Variants in NUP37 observed in about 807,000 individuals in gnomAD.
NUP37 encodes nucleoporin 37.
Under a neutral mutation model 45.4 loss-of-function variants are expected in NUP37, and 33 were observed. The ratio of observed to expected loss-of-function variants is 0.73; its 90% CI spans 0.55 to 0.97. The LOEUF is 0.97. NUP37 is among the 50% of genes least tolerant of loss of function. The pLI is 0.00. For missense variants in NUP37, 365 were observed against 389.7 expected (o/e 0.94, Z 0.53); for synonymous variants, 127 against 130.7 (o/e 0.97, Z 0.19).
At chr12:102,117,280 C>A (rs1488511731) in intron 2 of NUP37, among the ~76,000 whole-genome samples, 2 of 151,420 alleles carry the variant, frequency 1.3e-5, no homozygotes, top group African/African-American at 4.9e-5. Flanking sequence ...ATCATGAAAC[C>A]CCCTACTAAA....
chr12:102,082,506 C>T (rs1190872063), intron 6 of NUP37, among the ~76,000 whole-genome samples: 2 of 152,146 alleles, frequency 1.3e-5, no homozygotes, highest in Non-Finnish European at 2.9e-5. Flanking sequence ...TGACTGAGTG[C>T]TTACTATGTG....
intron 3 of NUP37, 45 bp from the exon 4 acceptor site, chr12:102,101,149 A>G: frequency 8.9e-7 from 1 of 1,122,594 alleles, no homozygotes; most frequent in East Asian, 2.5e-5. Context: ...AGCCTTTGTA[A>G]GTGAAAGGTC....
At chr12:102,097,474 G>T (rs1345801421) in intron 5 of NUP37, among the ~76,000 whole-genome samples, 4 of 151,612 alleles carry the variant, frequency 2.6e-5, no homozygotes, top group African/African-American at 9.7e-5. Context: ...TCTTATATTC[G>T]ACAAAATAAA....
At chr12:102,093,770 GA>G (rs1297161532) in intron 5 of NUP37, among the ~76,000 whole-genome samples, 1 of 151,970 alleles carries the variant, frequency 6.6e-6, no homozygotes, top group African/African-American at 2.4e-5. Context: ...TCAAAATCTG[GA>G]AACTGTTTAT....
intron 5 of NUP37, among the ~76,000 whole-genome samples, chr12:102,092,297 G>A (rs1879678040): frequency 6.6e-6 from 1 of 152,132 alleles, no homozygotes; most frequent in Non-Finnish European, 1.5e-5. Context: ...CAAAAAATAT[G>A]AACCACAATC....
chr12:102,104,856 G>T (rs1317059647), intron 3 of NUP37, among the ~76,000 whole-genome samples: 1 of 152,086 alleles, frequency 6.6e-6, no homozygotes, highest in Admixed American at 6.5e-5. Flanking sequence ...GTATAGCATT[G>T]CGATACGATT....
intron 7 of NUP37, 103 bp downstream of exon 7, chr12:102,077,219 T>C: frequency 8.2e-7 from 1 of 1,220,498 alleles, no homozygotes; most frequent in Non-Finnish European, 1.2e-6. Flanking sequence ...TTGCTTTCGC[T>C]TGACAGCATA....
chr12:102,078,582 G>A (rs567786844), intron 6 of NUP37, among the ~76,000 whole-genome samples: 3 of 152,290 alleles, frequency 2.0e-5, no homozygotes, highest in South Asian at 2.1e-4. Context: ...GCACAGACAC[G>A]CCGCTTCCTT....
chr12:102,086,658 T>A (rs1439380676), intron 5 of NUP37, among the ~76,000 whole-genome samples: 1 of 152,164 alleles, frequency 6.6e-6, no homozygotes, highest in Non-Finnish European at 1.5e-5. Flanking sequence ...GAGAATGCTA[T>A]CCCTCACCCA....
In NUP37 at chr12:102,084,783, A is replaced by C. The variant is rs564779619; in HGVS notation, c.540+983T>G. On this transcript the variant is annotated intron_variant, in intron 6 of 9. Transcript: ENST00000552283. Reference sequence around the variant, plus strand: ...GGAACTACCATGAACTTTAGAGAACAGATGAAGAGTTAACTTTAAGAAAGA... The same window carrying C: ...GGAACTACCATGAACTTTAGAGAACCGATGAAGAGTTAACTTTAAGAAAGA... 3.9e-4 allele frequency among the ~76,000 whole-genome samples: 59 copies of C among 152,090 alleles called. 1 individual carries two copies. The highest frequency in any genetic ancestry group is 7.5e-4 in the Non-Finnish European group (51 of 68,000).
intron 2 of NUP37, among the ~76,000 whole-genome samples, chr12:102,113,635 G>A (rs574732840): frequency 3.8e-4 from 58 of 152,060 alleles, no homozygotes; most frequent in Non-Finnish European, 6.6e-4. Context: ...AAATTTTCGC[G>A]ACAAATTTGT....
Position 102,074,226 on chromosome 12 carries a change from C to A in NUP37, c.*128G>T. 1 of 489,166 alleles carries A rather than the reference C, an allele frequency of 2.0e-6. No homozygotes were observed. The highest frequency in any genetic ancestry group is 3.3e-5 in the East Asian group (1 of 30,574). 30.3% of individuals were successfully genotyped at this position (489,166 alleles called of 1,614,324 possible). A position where few individuals can be genotyped will look rare whatever the true frequency, so the allele number is the denominator to read the frequency against. On this transcript the variant is annotated 3_prime_UTR_variant, in exon 10 of 10. Transcript: ENST00000552283. ...CCATCAACATTTTATTTAATAAAAGCAACTGAGACATTTTCTAAAGTATAC... is the reference window on the plus strand; with the variant it reads ...CCATCAACATTTTATTTAATAAAAGAAACTGAGACATTTTCTAAAGTATAC...
intron 6 of NUP37, among the ~76,000 whole-genome samples, chr12:102,083,375 T>G (rs1292692075): frequency 6.6e-6 from 1 of 152,206 alleles, no homozygotes; most frequent in Non-Finnish European, 1.5e-5. Context: ...CTCATGCACA[T>G]ATGCAGAGTA....
chr12:102,082,120 C>G (rs777849392), intron 6 of NUP37, among the ~76,000 whole-genome samples: 10 of 152,248 alleles, frequency 6.6e-5, no homozygotes, highest in Middle Eastern at 3.4e-3. Context: ...CATTGAAATC[C>G]TAGCTCCTAT....
intron 3 of NUP37, among the ~76,000 whole-genome samples, chr12:102,105,361 C>CAA (rs796171528): frequency 7.1e-6 from 1 of 141,552 alleles, no homozygotes; most frequent in Non-Finnish European, 1.5e-5. Flanking sequence ...CCCATCTCTA[C>CAA]AAAAAAAAAA....
At chr12:102,099,433 T>C (rs1879909619) in intron 4 of NUP37, among the ~76,000 whole-genome samples, 1 of 151,572 alleles carries the variant, frequency 6.6e-6, no homozygotes, top group Admixed American at 6.6e-5. Context: ...GTCTTTCTTT[T>C]CTAGTATGCA....
chr12:102,089,533 G>A (rs1194642633), intron 5 of NUP37, among the ~76,000 whole-genome samples: 1 of 146,034 alleles, frequency 6.8e-6, no homozygotes, highest in Non-Finnish European at 1.5e-5. Context: ...AGACGGGGCG[G>A]CCAGGCAGAG....
Position 102,075,077 on chromosome 12 carries a change from TCACTAATTGTGGAC to T in NUP37, c.777_790del (p.Trp259Ter). ...ATAACCAGTGGTTGCAAACAGATTT[TCACTAATTGTGGAC>T]CACCTAAGAAATAAGGAAGCGTAAA... On this transcript the variant is annotated stop_gained and frameshift_variant, in exon 9 of 10. Coordinates refer to ENST00000552283, the MANE Select transcript of NUP37 (RefSeq NM_024057.4). LOFTEE classifies it high-confidence loss of function. 6.2e-7 allele frequency: 1 copy of T among 1,610,074 alleles called. No individual in the cohort carries two copies. Among genetic ancestry groups the T allele is most frequent in the Non-Finnish European group, 8.5e-7 (1 of 1,177,502 alleles).
At chr12:102,107,460 G>A (rs768215388) in intron 3 of NUP37, among the ~76,000 whole-genome samples, 20 of 152,124 alleles carry the variant, frequency 1.3e-4, no homozygotes, top group Non-Finnish European at 2.4e-4. Flanking sequence ...AAAAGGAGGC[G>A]AAAGAAAAGG....
Sources: allele counts gnomAD v4.1 joint callset (sites outside exome capture counted in the v4.1 genomes callset), GRCh38; gene constraint gnomAD v4.1.1; transcripts MANE v1.5; gene names NCBI Gene and HGNC (gene_info 2026-07-23, HGNC 2026-07-21).